The following BEND7 variants were observed in gnomAD, a reference collection of about 807,000 sequenced individuals.
The protein encoded by BEND7 is BEN domain containing 7, also known as BEN domain-containing protein 7.
Under a neutral mutation model 50.9 loss-of-function variants are expected in BEND7, and 28 were observed. That is an observed-to-expected ratio of 0.55 (90% CI 0.41 to 0.75). The LOEUF is 0.75. BEND7 is among the 30% of genes least tolerant of loss of function. The pLI, the probability that BEND7 is intolerant of heterozygous loss-of-function variation, is 0.00. For missense variants in BEND7, 477 were observed against 491.3 expected (o/e 0.97, Z 0.28); for synonymous variants, 170 against 183.9 (o/e 0.92, Z 0.61).
At chr10:13,474,209 C>T (rs1004725604) in intron 6 of BEND7, among the ~76,000 whole-genome samples, 6 of 151,668 alleles carry the variant, frequency 4.0e-5, no homozygotes, top group East Asian at 1.9e-4. Flanking sequence ...CTGTTAGACT[C>T]GGGGCCGACA....
chr10:13,490,414 C>G (rs2076566390), intron 5 of BEND7, among the ~76,000 whole-genome samples: 1 of 152,246 alleles, frequency 6.6e-6, no homozygotes, highest in African/African-American at 2.4e-5. Flanking sequence ...TCAGCTGCAG[C>G]TGTAACCCAG....
downstream of BEND7, among the ~76,000 whole-genome samples, chr10:13,440,712 G>A (rs1835213272): frequency 6.6e-6 from 1 of 152,154 alleles, no homozygotes; most frequent in Non-Finnish European, 1.5e-5. Context: ...GCTCAGCATC[G>A]GAGAAGATTG....
At chr10:13,504,478 C>G (rs1263924032) in intron 2 of BEND7, among the ~76,000 whole-genome samples, 1 of 151,994 alleles carries the variant, frequency 6.6e-6, no homozygotes, top group African/African-American at 2.4e-5. Context: ...CTTCTTCTAT[C>G]ATAGTGGAAT....
chr10:13,480,013 A>G (rs944289681), intron 6 of BEND7, among the ~76,000 whole-genome samples: 5 of 152,208 alleles, frequency 3.3e-5, no homozygotes, highest in Non-Finnish European at 7.3e-5. Flanking sequence ...CAATGCAGGA[A>G]CTGAGCTAGG....
chr10:13,445,907 C>T (rs1217412431), intron 8 of BEND7: 1 of 152,178 alleles, frequency 6.6e-6, no homozygotes, highest in African/African-American at 2.4e-5. Context: ...CCCTGAAGGG[C>T]CTTCTGAAGG....
chr10:13,480,029 C>T (rs1404558968), intron 6 of BEND7, among the ~76,000 whole-genome samples: 10 of 152,226 alleles, frequency 6.6e-5, no homozygotes, highest in Admixed American at 6.5e-4. Context: ...CTAGGAAGCA[C>T]AGCACCCCTA....
chr10:13,465,225 T>C (rs1265901846), intron 6 of BEND7, among the ~76,000 whole-genome samples: 2 of 152,224 alleles, frequency 1.3e-5, no homozygotes, highest in Non-Finnish European at 2.9e-5. Context: ...GCCAGAGGTC[T>C]CATACTGAGC....
chr10:13,491,184 G>C (rs1209020931), intron 5 of BEND7, among the ~76,000 whole-genome samples: 1 of 151,856 alleles, frequency 6.6e-6, no homozygotes, highest in East Asian at 1.9e-4. Context: ...GTGGTGGCAA[G>C]TACCTGCAGT....
intron 2 of BEND7, among the ~76,000 whole-genome samples, chr10:13,512,215 G>A (rs960104821): frequency 1.3e-5 from 2 of 152,100 alleles, no homozygotes; most frequent in Admixed American, 1.3e-4. Context: ...CTACAACCAC[G>A]CCTGTTAACA....
At chr10:13,457,353 T>C (rs1839210323) in intron 6 of BEND7, among the ~76,000 whole-genome samples, 1 of 152,186 alleles carries the variant, frequency 6.6e-6, no homozygotes, top group African/African-American at 2.4e-5. Context: ...TCAAATATTC[T>C]CTCAGTCACT....
At chr10:13,516,044 C>A (rs1206516664) in intron 2 of BEND7, among the ~76,000 whole-genome samples, 2 of 152,214 alleles carry the variant, frequency 1.3e-5, no homozygotes, top group African/African-American at 4.8e-5. Context: ...CTACTGATAA[C>A]TGGAGGCACA....
intron 6 of BEND7, chr10:13,480,657 G>A: frequency 1.0e-6 from 1 of 984,930 alleles, no homozygotes; most frequent in African/African-American, 1.7e-5. Context: ...TGATTCTGCA[G>A]CAGGTCAAAC....
chr10:13,498,071 CTTTTTTTT>C (rs67255529), intron 3 of BEND7, among the ~76,000 whole-genome samples: 7 of 109,862 alleles, frequency 6.4e-5, no homozygotes, highest in Admixed American at 1.0e-4. Flanking sequence ...ATTTCTTTTT[CTTTTTTTT>C]TTTTTTTTTT....
intron 6 of BEND7, among the ~76,000 whole-genome samples, chr10:13,470,586 C>T (rs1334209473): frequency 6.6e-6 from 1 of 152,202 alleles, no homozygotes; most frequent in Non-Finnish European, 1.5e-5. Flanking sequence ...AGTTTCTCCA[C>T]ATTTCCATTT....
At chr10:13,440,143 G>A (rs150497589), downstream of BEND7, among the ~76,000 whole-genome samples, 4 of 152,278 alleles carry the variant, frequency 2.6e-5, no homozygotes, top group Non-Finnish European at 4.4e-5. Context: ...CTCCTGTGGC[G>A]AAATGGGGTC....
In BEND7 at chr10:13,441,391, T is replaced by C; in HGVS notation, c.*352A>G. 9.1e-7 allele frequency: 1 copy of C among 1,103,292 alleles called. No homozygotes were observed. The highest frequency in any genetic ancestry group is 1.6e-5 in the African/African-American group (1 of 61,498). The allele number at this position is 1,103,292 out of a possible 1,614,324, so 68.3% of individuals were successfully genotyped here. On this transcript the variant is annotated 3_prime_UTR_variant, in exon 9 of 9. Transcript: ENST00000466271. ...AAACACAATTTTAATTTACAAAATATGATTTTGCTGTTGCAGTTTTGATAC... is the reference window on the plus strand; with the variant it reads ...AAACACAATTTTAATTTACAAAATACGATTTTGCTGTTGCAGTTTTGATAC...
intron 2 of BEND7, among the ~76,000 whole-genome samples, chr10:13,505,477 A>G (rs2077808672): frequency 6.6e-6 from 1 of 152,202 alleles, no homozygotes; most frequent in Admixed American, 6.5e-5. Context: ...CTCCCCTGCC[A>G]GGCCACATGG....
chr10:13,485,383 G>A (rs1319355506), intron 5 of BEND7, among the ~76,000 whole-genome samples: 2 of 152,218 alleles, frequency 1.3e-5, no homozygotes, highest in African/African-American at 4.8e-5. Context: ...ATAGTGTACA[G>A]ATTCTGTGTA....
intron 6 of BEND7, among the ~76,000 whole-genome samples, chr10:13,477,136 A>G (rs533689164): frequency 1.3e-4 from 20 of 152,184 alleles, no homozygotes; most frequent in African/African-American, 4.6e-4. Context: ...ATAGATTTTC[A>G]TTCATTTTTT....
Sources: allele counts gnomAD v4.1 joint callset (sites outside exome capture counted in the v4.1 genomes callset), GRCh38; gene constraint gnomAD v4.1.1; transcripts MANE v1.5; gene names NCBI Gene and HGNC (gene_info 2026-07-23, HGNC 2026-07-21).